Variants in NEDD4L observed in about 807,000 individuals in gnomAD.
The protein encoded by NEDD4L is NEDD4 like E3 ubiquitin protein ligase, also known as E3 ubiquitin-protein ligase NEDD4-like.
A neutral mutation model predicts 148.9 loss-of-function variants in NEDD4L; 54 were observed. The observed-to-expected ratio is 0.36, with a 90% CI of 0.29 to 0.45. The LOEUF is 0.45. Ranked by LOEUF, NEDD4L falls within the 20% of genes least tolerant of loss-of-function variation. The pLI, the probability that NEDD4L is intolerant of heterozygous loss-of-function variation, is 1.00. For missense variants in NEDD4L, 856 were observed against 1,233.8 expected (o/e 0.69, Z 4.59); for synonymous variants, 433 against 440.7 (o/e 0.98, Z 0.22).
chr18:58,172,409 C>T (rs1041819874), intron 2 of NEDD4L, among the ~76,000 whole-genome samples: 1 of 152,094 alleles, frequency 6.6e-6, no homozygotes, highest in Non-Finnish European at 1.5e-5. Flanking sequence ...TTTCTTAACA[C>T]GGGGGTAAGG....
chr18:58,266,994 G>A (rs2050312236), intron 5 of NEDD4L, among the ~76,000 whole-genome samples: 1 of 152,050 alleles, frequency 6.6e-6, no homozygotes, highest in Non-Finnish European at 1.5e-5. Flanking sequence ...TCTGGTGACT[G>A]CAGTTATATC....
At chr18:58,055,725 T>A (rs2082058311) in intron 1 of NEDD4L, among the ~76,000 whole-genome samples, 1 of 152,228 alleles carries the variant, frequency 6.6e-6, no homozygotes, top group East Asian at 1.9e-4. Flanking sequence ...CACTTGCAGT[T>A]TGCAAAATAG....
chr18:58,335,132 G>A (rs2041555102), intron 12 of NEDD4L, among the ~76,000 whole-genome samples: 1 of 152,142 alleles, frequency 6.6e-6, no homozygotes, highest in African/African-American at 2.4e-5. Context: ...GATCACCAGT[G>A]GCCTCTTGAG....
rs1440898697 is a variant in NEDD4L, at chr18:58,205,935, C to T, written c.123-39492C>T. 2.0e-5 allele frequency among the ~76,000 whole-genome samples: 3 copies of T among 152,170 alleles called. No individual in the cohort carries two copies. The South Asian group carries it at 6.2e-4, about 32-fold the overall frequency. The stretch of plus-strand genomic sequence containing the variant: ...CAGAATCCTAGTGTCCTTGTGCCTC[C>T]TTCTGCATATGTCTGGACTTTGCTT... On this transcript the variant is annotated intron_variant, in intron 2 of 30. Transcript: ENST00000400345.
chr18:58,186,454 T>A (rs2039493863), intron 2 of NEDD4L, among the ~76,000 whole-genome samples: 2 of 152,316 alleles, frequency 1.3e-5, no homozygotes, highest in South Asian at 2.1e-4. Flanking sequence ...ATATTTTTTT[T>A]ATAATGTGTG....
At chr18:58,329,316 A>G (rs948325567) in intron 10 of NEDD4L, among the ~76,000 whole-genome samples, 189 bp downstream of exon 10, 6 of 152,222 alleles carry the variant, frequency 3.9e-5, no homozygotes, top group Admixed American at 3.3e-4. Context: ...TTTGACAAGT[A>G]TAGGTGGCTC....
intron 2 of NEDD4L, among the ~76,000 whole-genome samples, chr18:58,217,734 G>A (rs1026144700): frequency 5.3e-5 from 8 of 152,124 alleles, no homozygotes; most frequent in African/African-American, 1.4e-4. Context: ...TACCTGTAGA[G>A]CCAAATAGCC....
At chr18:58,132,665 G>A (rs1207219218) in intron 1 of NEDD4L, among the ~76,000 whole-genome samples, 1 of 152,226 alleles carries the variant, frequency 6.6e-6, no homozygotes, top group African/African-American at 2.4e-5. Context: ...TTGGCAAATG[G>A]TAGGGGCTCA....
chr18:58,239,528 A>G (rs2046396169), intron 2 of NEDD4L, among the ~76,000 whole-genome samples: 1 of 152,178 alleles, frequency 6.6e-6, no homozygotes, highest in South Asian at 2.1e-4. Context: ...CCCCCTTAAA[A>G]TATGTGGAGC....
chr18:58,146,528 C>A (rs975540665), intron 1 of NEDD4L, among the ~76,000 whole-genome samples: 1 of 152,132 alleles, frequency 6.6e-6, no homozygotes, highest in African/African-American at 2.4e-5. Flanking sequence ...GAGGACTCTT[C>A]ATGACATGGA....
intron 1 of NEDD4L, among the ~76,000 whole-genome samples, chr18:58,090,059 C>T (rs191398059): frequency 1.2e-3 from 188 of 152,106 alleles, no homozygotes; most frequent in Middle Eastern, 6.8e-3. Context: ...AGGCTGGTCT[C>T]GAACTCCTGA....
rs4600541 is a variant in NEDD4L at position 58,060,410 on chromosome 18, G to T, written c.48+15702G>T. On this transcript the variant is annotated intron_variant, in intron 1 of 30. Coordinates refer to ENST00000400345, the MANE Select transcript of NEDD4L (RefSeq NM_001144967.3). ...ATTACAGGTGCAAGTCGTTGGGCCCGGCAATCTGGGCTTTTCTAAAGCTCA... is the reference window on the plus strand; with the variant it reads ...ATTACAGGTGCAAGTCGTTGGGCCCTGCAATCTGGGCTTTTCTAAAGCTCA... 6.8e-4 allele frequency among the ~76,000 whole-genome samples: 103 copies of T among 152,094 alleles called. 1 individual carries two copies. The highest frequency in any genetic ancestry group is 5.9e-3 in the Admixed American group (90 of 15,288).
chr18:58,058,952 T>G (rs1297489280), intron 1 of NEDD4L, among the ~76,000 whole-genome samples: 1 of 152,240 alleles, frequency 6.6e-6, no homozygotes, highest in Non-Finnish European at 1.5e-5. Context: ...ATCAGACCCC[T>G]TGACCGTTTA....
chr18:58,095,449 G>T (rs1035945663), intron 1 of NEDD4L, among the ~76,000 whole-genome samples: 7 of 131,296 alleles, frequency 5.3e-5, no homozygotes, highest in Non-Finnish European at 1.1e-4. Flanking sequence ...TGCTCCCACC[G>T]CGTGGGGAGT....
At chr18:58,325,257 C>G in intron 9 of NEDD4L, 95 bp downstream of exon 9, 1 of 1,433,404 alleles carries the variant, frequency 7.0e-7, no homozygotes. Flanking sequence ...GGAAATAAAT[C>G]ATATGTCTAT....
At chr18:58,089,950 C>T (rs963616331) in intron 1 of NEDD4L, among the ~76,000 whole-genome samples, 1 of 152,016 alleles carries the variant, frequency 6.6e-6, no homozygotes, top group Non-Finnish European at 1.5e-5. Flanking sequence ...AGTGACTCTC[C>T]TGCCTCAGCC....
chr18:58,289,305 T>C (rs932218614), intron 5 of NEDD4L, among the ~76,000 whole-genome samples: 4 of 152,112 alleles, frequency 2.6e-5, no homozygotes, highest in Non-Finnish European at 5.9e-5. Flanking sequence ...TGGGAGGAAG[T>C]CAGCCTGCAG....
intron 1 of NEDD4L, among the ~76,000 whole-genome samples, chr18:58,137,089 C>A (rs1293283235): frequency 6.6e-6 from 1 of 152,176 alleles, no homozygotes; most frequent in Non-Finnish European, 1.5e-5. Context: ...AATGATTGAG[C>A]AATATTTAGT....
chr18:58,163,429 T>A (rs1056622563), intron 1 of NEDD4L, among the ~76,000 whole-genome samples: 1 of 152,154 alleles, frequency 6.6e-6, no homozygotes, highest in African/African-American at 2.4e-5. Flanking sequence ...GGCAGAGCAG[T>A]CCCTGCAGCG....
Sources: gnomAD v4.1 joint callset for allele counts (sites outside exome capture counted in the v4.1 genomes callset) on GRCh38, gnomAD v4.1.1 for gene constraint, MANE v1.5 for transcripts, NCBI Gene and HGNC (gene_info 2026-07-23, HGNC 2026-07-21) for gene names.